CCDC93: variants seen among roughly 807,000 people sequenced by gnomAD.
CCDC93 encodes the protein CCC complex scaffolding subunit CCDC93.
In CCDC93, 61 loss-of-function variants were observed where a neutral mutation model predicts 108.2. That is an observed-to-expected ratio of 0.56 (90% CI 0.46 to 0.70). CCDC93 has a LOEUF of 0.70. CCDC93 is among the 30% of genes least tolerant of loss of function. The pLI is 0.00. For synonymous variants in CCDC93, 276 were observed against 260.4 expected, an observed-to-expected ratio of 1.06 and a Z score of -0.58; for missense variants, 685 against 764.2, an observed-to-expected ratio of 0.90 and a Z score of 1.22.
intron 20 of CCDC93, among the ~76,000 whole-genome samples, chr2:117,937,615 A>G (rs1386613127): frequency 6.6e-6 from 1 of 152,234 alleles, no homozygotes; most frequent in Non-Finnish European, 1.5e-5. Flanking sequence ...GTTTTTAAAC[A>G]GTGGAACAAC....
At chr2:117,922,090 T>C (rs1677888736) in intron 23 of CCDC93, among the ~76,000 whole-genome samples, 3 of 152,190 alleles carry the variant, frequency 2.0e-5, no homozygotes, top group African/African-American at 4.8e-5. Context: ...ACTCTCTACT[T>C]GTATATTTTT....
At chr2:117,933,705 CTT>C (rs77802787) in intron 22 of CCDC93, among the ~76,000 whole-genome samples, 24 of 144,606 alleles carry the variant, frequency 1.7e-4, no homozygotes, top group Admixed American at 1.4e-4. Context: ...ACAGGGAAAG[CTT>C]TTTTTTTTTT....
intron 5 of CCDC93, 178 bp from the exon 6 acceptor site, chr2:117,995,680 G>A (rs903503919): frequency 1.3e-5 from 8 of 594,676 alleles, no homozygotes; most frequent in Non-Finnish European, 2.1e-5. Flanking sequence ...AAACCCTGCA[G>A]ATGGCTCCAA....
intron 6 of CCDC93, among the ~76,000 whole-genome samples, chr2:117,994,804 CATT>C (rs1484236338): frequency 2.6e-5 from 4 of 152,326 alleles, no homozygotes; most frequent in African/African-American, 9.6e-5. Flanking sequence ...CAACACAACA[CATT>C]ATTTTCAGGA....
chr2:117,980,000 G>A (rs1680066138), intron 7 of CCDC93, among the ~76,000 whole-genome samples: 1 of 151,994 alleles, frequency 6.6e-6, no homozygotes, highest in Non-Finnish European at 1.5e-5. Flanking sequence ...AAACAGCCAG[G>A]TTCTGGGGCT....
At chr2:117,943,762 T>C (rs537168315) in intron 18 of CCDC93, among the ~76,000 whole-genome samples, 1 of 152,320 alleles carries the variant, frequency 6.6e-6, no homozygotes, top group Non-Finnish European at 1.5e-5. Flanking sequence ...ATAAAGAAAA[T>C]GGGATGTAAT....
intron 11 of CCDC93, among the ~76,000 whole-genome samples, chr2:117,959,761 C>T (rs1041662921): frequency 6.6e-5 from 10 of 152,146 alleles, no homozygotes; most frequent in African/African-American, 2.4e-4. Flanking sequence ...TTTATTATTA[C>T]AACACATTTA....
intron 23 of CCDC93, among the ~76,000 whole-genome samples, chr2:117,928,325 A>G (rs766110637): frequency 5.3e-5 from 8 of 152,204 alleles, no homozygotes; most frequent in Admixed American, 5.2e-4. Flanking sequence ...TGAACAGGCA[A>G]CCTAAAGAAT....
At chr2:117,932,691 A>G (rs1486071100) in intron 22 of CCDC93, among the ~76,000 whole-genome samples, 1 of 152,184 alleles carries the variant, frequency 6.6e-6, no homozygotes, top group Non-Finnish European at 1.5e-5. Flanking sequence ...CTGGCTCAGC[A>G]GCAAGTCCTG....
chr2:118,003,821 C>T (rs1195384197), intron 3 of CCDC93, among the ~76,000 whole-genome samples: 1 of 152,180 alleles, frequency 6.6e-6, no homozygotes, highest in African/African-American at 2.4e-5. Context: ...GAGGAAAATG[C>T]AGGCAGGCTG....
chr2:117,980,201 C>A (rs1245265311), intron 7 of CCDC93, among the ~76,000 whole-genome samples: 4 of 152,140 alleles, frequency 2.6e-5, no homozygotes, highest in Non-Finnish European at 5.9e-5. Context: ...GAGAGCTGAC[C>A]CTGGCTCAGC....
intron 2 of CCDC93, 144 bp downstream of exon 2, chr2:118,008,400 CT>C: frequency 1.7e-6 from 1 of 601,200 alleles, no homozygotes; most frequent in Non-Finnish European, 2.9e-6. Context: ...AGTTTGAACA[CT>C]TCCATAATGA....
intron 2 of CCDC93, 59 bp downstream of exon 2, chr2:118,008,486 T>A: frequency 1.0e-6 from 1 of 952,894 alleles, no homozygotes; most frequent in South Asian, 1.4e-5. Flanking sequence ...TTCTTTGCCA[T>A]GATTAACCAT....
intron 23 of CCDC93, among the ~76,000 whole-genome samples, chr2:117,927,685 C>G (rs1678168851): frequency 6.6e-6 from 1 of 152,064 alleles, no homozygotes; most frequent in Non-Finnish European, 1.5e-5. Context: ...CCATACTGCC[C>G]AAGGTAATTT....
chr2:117,951,785 G>A, intron 13 of CCDC93: 1 of 689,414 alleles, frequency 1.5e-6, no homozygotes, highest in Non-Finnish European at 1.8e-6. Context: ...AATCACAAGT[G>A]GGAAGTGAGC....
At chr2:117,935,603 A>G (rs1678496358) in intron 21 of CCDC93, 24 bp from the exon 22 acceptor site, 1 of 1,559,972 alleles carries the variant, frequency 6.4e-7, no homozygotes, top group Non-Finnish European at 8.8e-7. Flanking sequence ...CAGTAGAGTT[A>G]TGACCGGCAC....
At chr2:117,961,036 A>T (rs1162278800) in intron 11 of CCDC93, among the ~76,000 whole-genome samples, 1 of 152,116 alleles carries the variant, frequency 6.6e-6, no homozygotes, top group African/African-American at 2.4e-5. Flanking sequence ...AAGTATTATA[A>T]AATGTTGAGA....
chr2:118,006,949 AGT>A (rs79848681), intron 2 of CCDC93, 133 bp from the exon 3 acceptor site: 162 of 566,458 alleles, frequency 2.9e-4, no homozygotes, highest in Middle Eastern at 4.9e-4. Context: ...TGAGAGAGAG[AGT>A]GTGTGTCCTC....
intron 6 of CCDC93, among the ~76,000 whole-genome samples, chr2:117,995,008 T>A (rs1680600403): frequency 6.6e-6 from 1 of 152,132 alleles, no homozygotes; most frequent in African/African-American, 2.4e-5. Flanking sequence ...GATTAAGACG[T>A]ACTGTGAATG....
Sources: allele counts gnomAD v4.1 joint callset (sites outside exome capture counted in the v4.1 genomes callset), GRCh38; gene constraint gnomAD v4.1.1; transcripts MANE v1.5; gene names NCBI Gene and HGNC (gene_info 2026-07-23, HGNC 2026-07-21).